Variants in MAP7 observed in about 807,000 individuals in gnomAD.
MAP7 encodes the protein ensconsin.
MAP7 carries 52 observed loss-of-function variants against 94.8 expected under a neutral mutation model. That is an observed-to-expected ratio of 0.55 (90% confidence interval 0.44 to 0.69). The LOEUF (loss-of-function observed/expected upper bound fraction) is 0.69. Ranked by LOEUF, MAP7 falls within the 30% of genes least tolerant of loss-of-function variation. MAP7 has a pLI of 0.00. For missense variants in MAP7, 940 were observed against 964.6 expected (o/e 0.97, Z 0.34); for synonymous variants, 350 against 357.0 (o/e 0.98, Z 0.22).
At chr6:136,422,320 T>C (rs1255615996) in intron 1 of MAP7, among the ~76,000 whole-genome samples, 1 of 152,190 alleles carries the variant, frequency 6.6e-6, no homozygotes, top group Non-Finnish European at 1.5e-5. Context: ...CTTCAACGTA[T>C]GTTCAGTACA....
At chr6:136,400,538 A>C (rs1783790950) in intron 3 of MAP7, among the ~76,000 whole-genome samples, 1 of 152,238 alleles carries the variant, frequency 6.6e-6, no homozygotes. Context: ...TATGTTGTTT[A>C]AAAGAAACAA....
At chr6:136,485,639 T>C (rs1814445446) in intron 1 of MAP7, among the ~76,000 whole-genome samples, 1 of 140,092 alleles carries the variant, frequency 7.1e-6, no homozygotes, top group African/African-American at 2.7e-5. Context: ...CTCGGCTCAC[T>C]GCAAGCTCCG....
intron 1 of MAP7, among the ~76,000 whole-genome samples, chr6:136,480,641 C>CAAAAAAAAAAAAA (rs769951186): frequency 6.4e-4 from 13 of 20,156 alleles, no homozygotes; most frequent in South Asian, 2.1e-3. Context: ...GACTCTGCCT[C>CAAAAAAAAAAAAA]AAAAAAAAAA....
chr6:136,364,759 G>C (rs1793816538), intron 10 of MAP7: 1 of 155,572 alleles, frequency 6.4e-6, no homozygotes. Context: ...TCCATGTGTG[G>C]AGAAGCTGAG....
intron 2 of MAP7, chr6:136,420,221 CA>C: frequency 9.5e-7 from 1 of 1,052,064 alleles, no homozygotes; most frequent in Non-Finnish European, 1.5e-6. Flanking sequence ...ATTTCAGAGC[CA>C]GGAACATAGA....
At chr6:136,507,953 T>G (rs1583097709) in intron 1 of MAP7, among the ~76,000 whole-genome samples, 1 of 152,304 alleles carries the variant, frequency 6.6e-6, no homozygotes, top group East Asian at 1.9e-4. Context: ...TACAAATTCT[T>G]TGACACACAT....
chr6:136,545,318 GA>G (rs552953888), intron 1 of MAP7: 4,219 of 118,982 alleles, frequency 0.035, 161 homozygotes, highest in African/African-American at 0.11. Flanking sequence ...AGCAGTAAAA[GA>G]AAAAAAAAAA....
intron 1 of MAP7, among the ~76,000 whole-genome samples, chr6:136,444,269 A>G (rs1798697859): frequency 6.6e-6 from 1 of 152,194 alleles, no homozygotes; most frequent in Non-Finnish European, 1.5e-5. Context: ...TCAATGTATG[A>G]AATTTGAATC....
At chr6:136,388,785 C>T (rs1005155352) in intron 4 of MAP7, among the ~76,000 whole-genome samples, 3 of 152,082 alleles carry the variant, frequency 2.0e-5, no homozygotes, top group Non-Finnish European at 4.4e-5. Flanking sequence ...CATGAACACA[C>T]GTAAGCATGG....
chr6:136,385,931 C>A (rs540040064), intron 5 of MAP7, among the ~76,000 whole-genome samples: 1 of 152,160 alleles, frequency 6.6e-6, no homozygotes, highest in East Asian at 1.9e-4. Flanking sequence ...CCACCATAGC[C>A]GGCTAGTTTT....
intron 2 of MAP7, among the ~76,000 whole-genome samples, chr6:136,416,760 C>T (rs1428181173): frequency 3.3e-5 from 5 of 151,502 alleles, no homozygotes; most frequent in South Asian, 4.2e-4. Context: ...GAGCCAAGAT[C>T]GCACCACTGC....
chr6:136,357,425 A>G (rs182522657), intron 15 of MAP7, among the ~76,000 whole-genome samples: 140 of 152,312 alleles, frequency 9.2e-4, no homozygotes, highest in African/African-American at 3.2e-3. Flanking sequence ...TTTCAGATAT[A>G]TCTGTGGTAG....
chr6:136,402,090 C>T (rs1426787629), intron 3 of MAP7, among the ~76,000 whole-genome samples: 1 of 152,168 alleles, frequency 6.6e-6, no homozygotes, highest in East Asian at 1.9e-4. Context: ...CACCTCCTTC[C>T]CCCTGGCAAA....
intron 1 of MAP7, among the ~76,000 whole-genome samples, chr6:136,493,199 G>A (rs926348303): frequency 3.5e-5 from 5 of 142,056 alleles, no homozygotes; most frequent in Admixed American, 7.5e-5. Context: ...TCCGGCTCAC[G>A]GCAACCTCTG....
At chr6:136,444,054 A>G (rs1263768554) in intron 1 of MAP7, among the ~76,000 whole-genome samples, 1 of 152,206 alleles carries the variant, frequency 6.6e-6, no homozygotes, top group Admixed American at 6.5e-5. Context: ...ATGTTATACC[A>G]TGTCAAAATT....
chr6:136,344,517 AAACATTCATTTCT>A (rs1480879908), intron 17 of MAP7, among the ~76,000 whole-genome samples: 18 of 152,344 alleles, frequency 1.2e-4, no homozygotes, highest in African/African-American at 4.3e-4. Context: ...TTAGGGGTTT[AAACATTCATTTCT>A]CTTGTATCCT....
Position 136,361,029 on chromosome 6 carries a change from C to T in MAP7, c.1677G>A (p.Glu559=), listed in dbSNP as rs780011744. 4.4e-6 allele frequency: 7 copies of T among 1,577,376 alleles called. No individual in the cohort carries two copies. The South Asian group carries it at 5.6e-5, about 13-fold the overall frequency. Residue 559 remains glutamate, a synonymous_variant, in exon 12 of 18, where the codon GAG becomes GAA. Transcript: ENST00000354570. ...CCTGCCTCTGGGCGCGCTCTGCCTC[C>T]TCCCGCTCGCGCAGCGCCCGCTCCT... ...QAEERALRER[E]EAERAQRQKE... is the part of the protein sequence containing the mutation.
intron 1 of MAP7, among the ~76,000 whole-genome samples, chr6:136,517,704 TCA>T (rs1287604827): frequency 6.6e-6 from 1 of 152,218 alleles, no homozygotes; most frequent in Non-Finnish European, 1.5e-5. Context: ...AGCACTTTTT[TCA>T]CAGTTTCTCA....
chr6:136,472,539 T>C (rs1809387942), intron 1 of MAP7, among the ~76,000 whole-genome samples: 1 of 152,198 alleles, frequency 6.6e-6, no homozygotes, highest in Admixed American at 6.5e-5. Flanking sequence ...TGTTTCCTTT[T>C]TGGTATATCC....
Sources: gnomAD v4.1 joint callset for allele counts (sites outside exome capture counted in the v4.1 genomes callset) on GRCh38, gnomAD v4.1.1 for gene constraint, MANE v1.5 for transcripts, NCBI Gene and HGNC (gene_info 2026-07-23, HGNC 2026-07-21) for gene names.